Variants in JPH3 observed in about 807,000 individuals in gnomAD.
The protein encoded by JPH3 is junctophilin-3.
A neutral mutation model predicts 59.6 loss-of-function variants in JPH3; 11 were observed. The ratio of observed to expected loss-of-function variants is 0.18; its 90% CI spans 0.12 to 0.31. The LOEUF (loss-of-function observed/expected upper bound fraction) is 0.31. Ranked by LOEUF, JPH3 falls within the 10% of genes least tolerant of loss-of-function variation. The pLI is 1.00. For synonymous variants in JPH3, 673 were observed against 483.6 expected (o/e 1.39, Z -5.14); for missense variants, 1,202 against 1,105.7 (o/e 1.09, Z -1.24).
intron 1 of JPH3, among the ~76,000 whole-genome samples, chr16:87,632,644 G>T (rs1211940008): frequency 6.6e-6 from 1 of 152,200 alleles, no homozygotes; most frequent in African/African-American, 2.4e-5. Flanking sequence ...TCTAATCCCA[G>T]CACTTTGGGA....
At chr16:87,666,481 T>A (rs574920917) in intron 2 of JPH3, among the ~76,000 whole-genome samples, 14 of 152,224 alleles carry the variant, frequency 9.2e-5, no homozygotes, top group South Asian at 8.3e-4. Context: ...AGCCTCAAAT[T>A]CCTGGGCTCA....
At position 87,668,222 on chromosome 16, in the gene JPH3, G is replaced by A. The variant is rs1296926984; in HGVS notation, c.1161-15920G>A. Among the ~76,000 whole-genome samples the A allele has an allele frequency of 2.0e-5, 3 of 152,194 alleles. 1 individual carries two copies. The highest frequency in any genetic ancestry group is 4.8e-5 in the African/African-American group (2 of 41,456). ...TCTGGCCTCTTCACCAGCCCTGCGCGGCTGCTGGATCTGGAGGCCGGAGCC... is the reference window on the plus strand; with the variant it reads ...TCTGGCCTCTTCACCAGCCCTGCGCAGCTGCTGGATCTGGAGGCCGGAGCC... On this transcript the variant is annotated intron_variant, in intron 2 of 4. Coordinates refer to ENST00000284262, the MANE Select transcript of JPH3 (RefSeq NM_020655.4).
At chr16:87,680,504 G>T (rs540750313) in intron 2 of JPH3, among the ~76,000 whole-genome samples, 1 of 152,374 alleles carries the variant, frequency 6.6e-6, no homozygotes, top group African/African-American at 2.4e-5. Context: ...GCCAGGCAGG[G>T]CAAGAACGAT....
intron 1 of JPH3, among the ~76,000 whole-genome samples, chr16:87,622,747 C>T (rs1043469607): frequency 1.3e-5 from 2 of 151,322 alleles, no homozygotes; most frequent in African/African-American, 2.4e-5. Context: ...GACCCCCCCC[C>T]GCCCCACCCT....
At chr16:87,684,536 C>G (rs2033371040) in intron 3 of JPH3, 2 of 452,152 alleles carry the variant, frequency 4.4e-6, no homozygotes, top group Non-Finnish European at 8.0e-6. Context: ...CCGGCTGTCC[C>G]TGACGGTGAA....
intron 2 of JPH3, among the ~76,000 whole-genome samples, chr16:87,677,121 T>A (rs1426163516): frequency 2.0e-5 from 3 of 149,768 alleles, no homozygotes; most frequent in Admixed American, 2.0e-4. Context: ...ATCGTGCCAC[T>A]GCAATCCAGC....
intron 4 of JPH3, chr16:87,695,328 C>A (rs919486220): frequency 4.4e-6 from 2 of 455,962 alleles, no homozygotes; most frequent in African/African-American, 2.0e-5. Context: ...GAAAACCAGT[C>A]TGTTAACAGG....
At chr16:87,636,886 T>C (rs1003834473) in intron 1 of JPH3, among the ~76,000 whole-genome samples, 2 of 152,224 alleles carry the variant, frequency 1.3e-5, no homozygotes, top group African/African-American at 2.4e-5. Flanking sequence ...AGCTCCGAGA[T>C]GTGACTGACC....
At chr16:87,663,952 G>A (rs1006289276) in intron 2 of JPH3, among the ~76,000 whole-genome samples, 1 of 152,212 alleles carries the variant, frequency 6.6e-6, no homozygotes, top group African/African-American at 2.4e-5. Context: ...CAGACGTCGA[G>A]TTGTGGTGGA....
intron 2 of JPH3, among the ~76,000 whole-genome samples, chr16:87,662,655 C>G (rs1348534630): frequency 1.3e-5 from 2 of 152,244 alleles, no homozygotes; most frequent in East Asian, 1.9e-4. Context: ...CCAGTCCCCG[C>G]TGAGCCATGC....
intron 2 of JPH3, among the ~76,000 whole-genome samples, chr16:87,672,473 G>A (rs545354737): frequency 2.6e-5 from 4 of 152,354 alleles, no homozygotes; most frequent in African/African-American, 7.2e-5. Context: ...GCAGCTTTGC[G>A]GAGCCTCCTC....
intron 3 of JPH3, among the ~76,000 whole-genome samples, chr16:87,689,129 C>G (rs1365706073): frequency 6.6e-6 from 1 of 152,142 alleles, no homozygotes; most frequent in Non-Finnish European, 1.5e-5. Flanking sequence ...GGGAAGTCGG[C>G]TCCTGGGCTC....
intron 2 of JPH3, among the ~76,000 whole-genome samples, chr16:87,668,882 C>G (rs1220058370): frequency 2.0e-5 from 3 of 152,044 alleles, no homozygotes; most frequent in Non-Finnish European, 4.4e-5. Flanking sequence ...CAGCTCCCAC[C>G]CCCTCCGGCT....
intron 2 of JPH3, among the ~76,000 whole-genome samples, chr16:87,682,955 G>T (rs1228726146): frequency 6.6e-6 from 1 of 152,258 alleles, no homozygotes; most frequent in Non-Finnish European, 1.5e-5. Context: ...TACAAAGGGT[G>T]GGCAGGTCCC....
At position 87,690,418 on chromosome 16, in the gene JPH3, C is replaced by T. The variant is rs369123345; in HGVS notation, c.2058C>T (p.Ala686=). The T allele has an allele frequency of 7.2e-5, 108 of 1,499,860 alleles. No homozygotes were observed. Among genetic ancestry groups the T allele is most frequent in the African/African-American group, 3.8e-4 (27 of 70,942 alleles). The allele number at this position is 1,499,860 out of a possible 1,614,324, so 92.9% of individuals were successfully genotyped here. ...QKLASLRLGG[A]EPRLLRWDLT... is the part of the protein sequence containing the mutation. ...TGGCGAGCCTGCGGCTGGGCGGGGC[C>T]GAGCCCCGGTTGCTGCGTTGGGACT... Residue 686 remains alanine (A), a synonymous_variant, in exon 4 of 5, where the codon GCC becomes GCT. Coordinates refer to ENST00000284262, the MANE Select transcript of JPH3 (RefSeq NM_020655.4).
At position 87,603,212 on chromosome 16, in the gene JPH3, C is replaced by T. The variant is rs1448277748; in HGVS notation, c.66C>T (p.Gly22=). ...CCTACTGTGGAGGCTGGGAGGACGGCAAGGCGCACGGCCATGGCGTCTGCA... is the reference window on the plus strand; with the variant it reads ...CCTACTGTGGAGGCTGGGAGGACGGTAAGGCGCACGGCCATGGCGTCTGCA... ...GGSYCGGWED[G]KAHGHGVCTG... is the part of the protein sequence containing the mutation. The change falls in exon 1 of 5, where the codon GGC becomes GGT. Residue 22 remains glycine, a synonymous_variant. Transcript: ENST00000284262. The T allele has an allele frequency of 6.8e-6, 11 of 1,613,810 alleles. No homozygotes were observed. Among genetic ancestry groups the T allele is most frequent in the Non-Finnish European group, 8.5e-6 (10 of 1,179,946 alleles).
In JPH3 at chr16:87,696,618, C is replaced by G; in HGVS notation, c.2205C>G (p.Leu735=). ...TCCTGGTGGTCATGGTGATCTTGCT[C>G]AACATCGGAGTCGCCATTCTGTTTA... ...APILVVMVIL[L]NIGVAILFIN... is the part of the protein sequence containing the mutation. Residue 735 remains leucine, a synonymous_variant, in exon 5 of 5, where the codon CTC becomes CTG. Coordinates refer to ENST00000284262, the MANE Select transcript of JPH3 (RefSeq NM_020655.4). The G allele has an allele frequency of 6.2e-7, 1 of 1,613,682 alleles. No homozygotes were observed. Among genetic ancestry groups the G allele is most frequent in the Non-Finnish European group, 8.5e-7 (1 of 1,179,940 alleles).
chr16:87,694,981 G>T, intron 4 of JPH3: 4 of 290,956 alleles, frequency 1.4e-5, no homozygotes, highest in South Asian at 1.4e-4. Flanking sequence ...CTTCCACTCC[G>T]TGGCTGTTGT....
intron 1 of JPH3, among the ~76,000 whole-genome samples, chr16:87,605,925 G>A (rs949253853): frequency 8.5e-5 from 13 of 152,232 alleles, no homozygotes; most frequent in African/African-American, 2.9e-4. Context: ...CTTCATGGCC[G>A]GCTCTCCCTT....
Sources: allele counts gnomAD v4.1 joint callset (sites outside exome capture counted in the v4.1 genomes callset), GRCh38; gene constraint gnomAD v4.1.1; transcripts MANE v1.5; gene names NCBI Gene and HGNC (gene_info 2026-07-23, HGNC 2026-07-21).